The following TMEM132D variants were observed in gnomAD, a reference collection of about 807,000 sequenced individuals.
TMEM132D encodes the protein transmembrane protein 132D, also known as mature OL transmembrane protein.
A neutral mutation model predicts 62.3 loss-of-function variants in TMEM132D; 21 were observed. That is an observed-to-expected ratio of 0.34 (90% CI 0.24 to 0.49). TMEM132D has a LOEUF of 0.49. Among genes scored for constraint, TMEM132D ranks in the 20% least tolerant of loss-of-function variants. The pLI, the probability that TMEM132D is intolerant of heterozygous loss-of-function variation, is 0.99. For synonymous variants in TMEM132D, 621 were observed against 575.6 expected (o/e 1.08, Z -1.13); for missense variants, 1,346 against 1,402.8 (o/e 0.96, Z 0.65).
At chr12:129,345,616 T>C (rs773180150) in intron 3 of TMEM132D, among the ~76,000 whole-genome samples, 8 of 152,142 alleles carry the variant, frequency 5.3e-5, no homozygotes, top group Non-Finnish European at 1.0e-4. Context: ...TGGGATGAAA[T>C]ATCATATGTT....
chr12:129,267,867 A>G (rs1328403854), intron 4 of TMEM132D, among the ~76,000 whole-genome samples: 1 of 152,206 alleles, frequency 6.6e-6, no homozygotes, highest in African/African-American at 2.4e-5. Context: ...CAGAGCCCTC[A>G]GAAATAATGC....
At chr12:129,109,092 A>G (rs116145905) in intron 5 of TMEM132D, among the ~76,000 whole-genome samples, 1,772 of 152,368 alleles carry the variant, frequency 0.012, 29 homozygotes, top group African/African-American at 0.041. Context: ...GAACATGAAC[A>G]CAATTAAGTC....
chr12:129,747,209 C>CCTCCCTCTCCTTCTTA (rs71301342), intron 1 of TMEM132D, among the ~76,000 whole-genome samples: 10 of 29,572 alleles, frequency 3.4e-4, no homozygotes, highest in African/African-American at 5.5e-4. Context: ...CCTTCTTACT[C>CCTCCCTCTCCTTCTTA]CTCCTTCCAG....
intron 5 of TMEM132D, among the ~76,000 whole-genome samples, chr12:129,134,098 GTGT>G (rs1593272062): frequency 7.0e-6 from 1 of 143,826 alleles, no homozygotes; most frequent in Non-Finnish European, 1.5e-5. Context: ...ATGTGTGTGT[GTGT>G]TGTGTGTCTG....
At chr12:129,560,866 C>A (rs1013071027) in intron 2 of TMEM132D, among the ~76,000 whole-genome samples, 1 of 152,190 alleles carries the variant, frequency 6.6e-6, no homozygotes, top group Non-Finnish European at 1.5e-5. Flanking sequence ...ACTTGTGTCT[C>A]CCTGTAAGCC....
intron 4 of TMEM132D, among the ~76,000 whole-genome samples, chr12:129,258,535 C>T (rs796393865): frequency 2.0e-5 from 3 of 152,258 alleles, no homozygotes; most frequent in African/African-American, 7.2e-5. Flanking sequence ...ATGTGACTGT[C>T]CTAAATTAAT....
In TMEM132D at chr12:129,774,012, A is replaced by G. The variant is rs142424699; in HGVS notation, c.80-73314T>C. On this transcript the variant is annotated intron_variant, in intron 1 of 8. Coordinates refer to ENST00000422113, the MANE Select transcript of TMEM132D (RefSeq NM_133448.3). ...AGGATACACTGAATACATGTTTGCT[A>G]CTATATTCTAAGATGGTGGTTGTGG... is the stretch of plus-strand genomic sequence containing the variant. Among the ~76,000 whole-genome samples the G allele has an allele frequency of 7.9e-5, 12 of 152,354 alleles. No homozygotes were observed. The East Asian group carries it at 2.3e-3, about 29-fold the overall frequency.
intron 2 of TMEM132D, among the ~76,000 whole-genome samples, chr12:129,562,492 T>C (rs1159503712): frequency 6.6e-6 from 1 of 152,182 alleles, no homozygotes; most frequent in Non-Finnish European, 1.5e-5. Flanking sequence ...CCTGAGTCAC[T>C]GCATGGATTC....
At chr12:129,729,593 T>TG (rs1366439474) in intron 1 of TMEM132D, among the ~76,000 whole-genome samples, 1 of 152,132 alleles carries the variant, frequency 6.6e-6, no homozygotes, top group Non-Finnish European at 1.5e-5. Flanking sequence ...GACATCTGCC[T>TG]GAAAAACTCC....
intron 2 of TMEM132D, among the ~76,000 whole-genome samples, chr12:129,617,581 A>G (rs1229811300): frequency 4.6e-5 from 7 of 152,152 alleles, no homozygotes; most frequent in Admixed American, 4.6e-4. Context: ...TTTCATTGAA[A>G]GGAGCAGCAG....
chr12:129,238,835 TG>T (rs370448915), intron 4 of TMEM132D, among the ~76,000 whole-genome samples: 2 of 152,316 alleles, frequency 1.3e-5, no homozygotes, highest in African/African-American at 4.8e-5. Flanking sequence ...TTCTTTGGGA[TG>T]TATACACAGA....
chr12:129,627,877 C>T (rs905190460), intron 2 of TMEM132D, among the ~76,000 whole-genome samples: 4 of 152,060 alleles, frequency 2.6e-5, no homozygotes, highest in African/African-American at 9.7e-5. Context: ...GATCCAGCTA[C>T]TTTCAGGGCT....
chr12:129,809,658 G>T (rs550890075), intron 1 of TMEM132D, among the ~76,000 whole-genome samples: 15 of 152,202 alleles, frequency 9.9e-5, no homozygotes, highest in African/African-American at 3.6e-4. Flanking sequence ...TGAAATTCTA[G>T]GAAAATGGAA....
intron 5 of TMEM132D, among the ~76,000 whole-genome samples, chr12:129,169,185 G>A (rs1424939065): frequency 6.6e-6 from 1 of 152,010 alleles, no homozygotes; most frequent in Non-Finnish European, 1.5e-5. Flanking sequence ...TGGGGCCTAA[G>A]AACTTGCATT....
At chr12:129,647,244 T>TG (rs1879809721) in intron 2 of TMEM132D, among the ~76,000 whole-genome samples, 1 of 20,072 alleles carries the variant, frequency 5.0e-5, no homozygotes, top group Admixed American at 5.0e-4. Context: ...TGTTTTTCTG[T>TG]TTTTTTTTTT....
At chr12:129,431,289 G>A (rs1872648098) in intron 3 of TMEM132D, among the ~76,000 whole-genome samples, 2 of 152,180 alleles carry the variant, frequency 1.3e-5, no homozygotes, top group Admixed American at 6.5e-5. Flanking sequence ...CCACTGCCAT[G>A]TGCTACATCT....
intron 2 of TMEM132D, among the ~76,000 whole-genome samples, chr12:129,678,120 G>A (rs914903296): frequency 3.2e-5 from 3 of 95,024 alleles, no homozygotes; most frequent in East Asian, 1.0e-3. Flanking sequence ...TATAAACAGT[G>A]CTTCTACGAA....
intron 4 of TMEM132D, among the ~76,000 whole-genome samples, chr12:129,213,756 C>T (rs904040984): frequency 2.0e-5 from 3 of 152,062 alleles, no homozygotes; most frequent in African/African-American, 7.2e-5. Context: ...CCACTGCCAA[C>T]CAGAGAGGGA....
chr12:129,202,527 T>C (rs1878732444), intron 5 of TMEM132D, among the ~76,000 whole-genome samples: 3 of 152,192 alleles, frequency 2.0e-5, no homozygotes, highest in African/African-American at 7.2e-5. Flanking sequence ...TCATGAGTCA[T>C]TCTCAGAAAC....
Sources: gnomAD v4.1 joint callset for allele counts (sites outside exome capture counted in the v4.1 genomes callset) on GRCh38, gnomAD v4.1.1 for gene constraint, MANE v1.5 for transcripts, NCBI Gene and HGNC (gene_info 2026-07-23, HGNC 2026-07-21) for gene names.